The following GALNT13 variants were observed in gnomAD, a reference collection of about 807,000 sequenced individuals.
The protein encoded by GALNT13 is polypeptide N-acetylgalactosaminyltransferase 13, also known as UDP-GalNAc:polypeptide N-acetylgalactosaminyltransferase 13.
A neutral mutation model predicts 64.2 loss-of-function variants in GALNT13; 28 were observed. That is an observed-to-expected ratio of 0.44 (90% confidence interval 0.32 to 0.60). The LOEUF (loss-of-function observed/expected upper bound fraction) is 0.60, where lower values mean the gene tolerates loss of function less well. Ranked by LOEUF, GALNT13 falls within the 20% of genes least tolerant of loss-of-function variation. The pLI, the probability that GALNT13 is intolerant of heterozygous loss-of-function variation, is 0.05. For synonymous variants in GALNT13, 214 were observed against 224.6 expected, an observed-to-expected ratio of 0.95 and a Z score of 0.42; for missense variants, 577 against 669.8, an observed-to-expected ratio of 0.86 and a Z score of 1.53.
chr2:153,393,345 T>G, the GALNT13 span, among the ~76,000 whole-genome samples: 1 of 152,156 alleles, frequency 6.6e-6, no homozygotes, highest in African/African-American at 2.4e-5. Flanking sequence ...CTTGTTTCAT[T>G]TTGCTTTTGT....
At chr2:153,831,425 G>A in the GALNT13 span, among the ~76,000 whole-genome samples, 13 of 152,106 alleles carry the variant, frequency 8.5e-5, no homozygotes, top group Non-Finnish European at 1.5e-4. Flanking sequence ...GCTTCCTGTG[G>A]GAATTGTGCT....
At chr2:153,324,572 C>T in the GALNT13 span, among the ~76,000 whole-genome samples, 14 of 149,984 alleles carry the variant, frequency 9.3e-5, no homozygotes, top group East Asian at 1.2e-3. Flanking sequence ...CGTCTTTTGC[C>T]GGTGCTTCTG....
intron 3 of GALNT13, among the ~76,000 whole-genome samples, chr2:154,007,745 T>C (rs1322257366): frequency 2.0e-5 from 3 of 151,962 alleles, no homozygotes; most frequent in Non-Finnish European, 4.4e-5. Flanking sequence ...ATACTTTAGA[T>C]TTTTTGTATA....
At chr2:153,417,010 G>C in the GALNT13 span, among the ~76,000 whole-genome samples, 1 of 152,210 alleles carries the variant, frequency 6.6e-6, no homozygotes, top group Non-Finnish European at 1.5e-5. Flanking sequence ...AGAAAGATAG[G>C]AAGTGCTAGG....
chr2:153,082,980 C>T, the GALNT13 span, among the ~76,000 whole-genome samples: 1 of 151,668 alleles, frequency 6.6e-6, no homozygotes, highest in African/African-American at 2.4e-5. Flanking sequence ...AGGTGCACAC[C>T]ACCATGCCTA....
At chr2:153,856,369 C>A in the GALNT13 span, among the ~76,000 whole-genome samples, 1 of 151,830 alleles carries the variant, frequency 6.6e-6, no homozygotes, top group African/African-American at 2.4e-5. Flanking sequence ...AATACAAGAC[C>A]CAGAGTGGAA....
At chr2:153,105,989 A>ACATGACATTT in the GALNT13 span, among the ~76,000 whole-genome samples, 1 of 152,118 alleles carries the variant, frequency 6.6e-6, no homozygotes, top group Non-Finnish European at 1.5e-5. Flanking sequence ...ACATCCATAG[A>ACATGACATTT]GCTGTCAAGT....
chr2:153,290,724 T>C, the GALNT13 span, among the ~76,000 whole-genome samples: 1 of 152,218 alleles, frequency 6.6e-6, no homozygotes, highest in Non-Finnish European at 1.5e-5. Flanking sequence ...CCCTATGTCC[T>C]TTAAAAGCCT....
chr2:154,043,240 A>G (rs1424673), intron 3 of GALNT13, among the ~76,000 whole-genome samples: 115,404 of 151,412 alleles, frequency 0.76, 44,354 homozygotes, highest in East Asian at 0.96. Context: ...GTGCTGGTCC[A>G]TATTAGTAGT....
the GALNT13 span, among the ~76,000 whole-genome samples, chr2:153,294,198 T>C: frequency 6.6e-6 from 1 of 152,000 alleles, no homozygotes; most frequent in Non-Finnish European, 1.5e-5. Flanking sequence ...GGAGGAGATA[T>C]TTGGAGTTTG....
rs541635370 is a variant in GALNT13, at chr2:154,255,854, T to G, written c.858-3167T>G. Among the ~76,000 whole-genome samples, 4 of 151,892 alleles carry G rather than the reference T, an allele frequency of 2.6e-5. No individual in the cohort carries two copies. In the South Asian group the frequency reaches 8.3e-4, roughly 32 times the overall value. On this transcript the variant is annotated intron_variant, in intron 7 of 12. Transcript: ENST00000392825. ...GTCATTTGAGCCCAGGAGTTCAAGA[T>G]CAGCCTGAGCAACATAGCAAAACTC...
intron 1 of GALNT13, among the ~76,000 whole-genome samples, chr2:153,877,377 C>T (rs918964602): frequency 1.3e-5 from 2 of 152,076 alleles, no homozygotes; most frequent in African/African-American, 4.8e-5. Context: ...GATTAATCTG[C>T]TTGTTGACAC....
the GALNT13 span, among the ~76,000 whole-genome samples, chr2:153,601,840 T>C: frequency 6.6e-6 from 1 of 151,916 alleles, no homozygotes; most frequent in Non-Finnish European, 1.5e-5. Flanking sequence ...TCAAAGATAA[T>C]ATATACACCA....
At chr2:153,915,131 A>G (rs947887076) in intron 2 of GALNT13, among the ~76,000 whole-genome samples, 3 of 152,162 alleles carry the variant, frequency 2.0e-5, no homozygotes, top group African/African-American at 7.2e-5. Context: ...TCTGGGCACA[A>G]GAAAGTTACC....
At chr2:153,963,593 G>A (rs1693090247) in intron 3 of GALNT13, among the ~76,000 whole-genome samples, 1 of 152,084 alleles carries the variant, frequency 6.6e-6, no homozygotes. Context: ...ATCATAGCCA[G>A]AATTTTAAAT....
At chr2:154,181,440 A>G (rs1685953682) in intron 4 of GALNT13, among the ~76,000 whole-genome samples, 1 of 152,122 alleles carries the variant, frequency 6.6e-6, no homozygotes, top group African/African-American at 2.4e-5. Context: ...TCTCTCTGGC[A>G]GGTAATTGGT....
At chr2:153,830,048 AT>A in the GALNT13 span, among the ~76,000 whole-genome samples, 2 of 152,172 alleles carry the variant, frequency 1.3e-5, no homozygotes, top group Non-Finnish European at 2.9e-5. Context: ...TTTTAAAAGT[AT>A]TTTTAGAAGT....
At chr2:153,072,529 T>C in the GALNT13 span, among the ~76,000 whole-genome samples, 1 of 152,232 alleles carries the variant, frequency 6.6e-6, no homozygotes, top group African/African-American at 2.4e-5. Context: ...CTCCCTAAAA[T>C]ATTCAGCTAT....
At chr2:153,563,201 T>C in the GALNT13 span, among the ~76,000 whole-genome samples, 1 of 152,114 alleles carries the variant, frequency 6.6e-6, no homozygotes, top group Non-Finnish European at 1.5e-5. Flanking sequence ...CCTTATTGAA[T>C]TTTGTTTTCC....
Sources: gnomAD v4.1 joint callset for allele counts (sites outside exome capture counted in the v4.1 genomes callset) on GRCh38, gnomAD v4.1.1 for gene constraint, MANE v1.5 for transcripts, NCBI Gene and HGNC (gene_info 2026-07-23, HGNC 2026-07-21) for gene names.